The following WWC1 variants were observed in gnomAD, a reference collection of about 807,000 sequenced individuals.
WWC1 encodes the protein WW and C2 domain containing 1.
A neutral mutation model predicts 138.4 loss-of-function variants in WWC1; 55 were observed. The ratio of observed to expected loss-of-function variants is 0.40; its 90% CI spans 0.32 to 0.50. The LOEUF (loss-of-function observed/expected upper bound fraction) is 0.50, where lower values mean the gene tolerates loss of function less well. Among genes scored for constraint, WWC1 ranks in the 20% least tolerant of loss-of-function variants. The probability of loss-of-function intolerance (pLI) is 0.72; values close to 1 mark genes in which losing one functional copy is unlikely to be tolerated. For missense variants in WWC1, 1,226 were observed against 1,420.4 expected (o/e 0.86, Z 2.20); for synonymous variants, 524 against 564.9 (o/e 0.93, Z 1.03).
chr5:168,403,894 A>ACACACACG (rs1176078247), intron 5 of WWC1, among the ~76,000 whole-genome samples: 18 of 150,696 alleles, frequency 1.2e-4, no homozygotes, highest in Non-Finnish European at 2.7e-4. Flanking sequence ...ACACACACAC[A>ACACACACG]CACACACACA....
chr5:168,435,862 T>A (rs967999377), intron 15 of WWC1, among the ~76,000 whole-genome samples: 1 of 151,752 alleles, frequency 6.6e-6, no homozygotes, highest in Non-Finnish European at 1.5e-5. Context: ...TTTTTTTTTA[T>A]TTTTGAGACA....
intron 17 of WWC1, among the ~76,000 whole-genome samples, chr5:168,447,146 T>A (rs998462423): frequency 6.6e-6 from 1 of 152,264 alleles, no homozygotes; most frequent in African/African-American, 2.4e-5. Flanking sequence ...ACAGCCACTA[T>A]GTCATGGGGT....
intron 1 of WWC1, among the ~76,000 whole-genome samples, chr5:168,364,592 G>T (rs775012797): frequency 2.0e-5 from 3 of 152,206 alleles, no homozygotes; most frequent in Non-Finnish European, 2.9e-5. Context: ...CTGAGCCCTC[G>T]TAGTGCCTAG....
chr5:168,344,817 A>T (rs1774339397), intron 1 of WWC1, among the ~76,000 whole-genome samples: 1 of 152,210 alleles, frequency 6.6e-6, no homozygotes, highest in Non-Finnish European at 1.5e-5. Context: ...TGGGGGGAAA[A>T]GATTTGATCA....
chr5:168,338,117 T>C (rs1343179174), intron 1 of WWC1, among the ~76,000 whole-genome samples: 2 of 151,740 alleles, frequency 1.3e-5, no homozygotes, highest in Non-Finnish European at 2.9e-5. Flanking sequence ...TCGAGACCGG[T>C]CTGGCCAACG....
intron 10 of WWC1, among the ~76,000 whole-genome samples, chr5:168,422,630 A>G (rs1781183564): frequency 6.6e-6 from 1 of 152,036 alleles, no homozygotes; most frequent in Admixed American, 6.6e-5. Flanking sequence ...AGAAAAAAAA[A>G]GCCTTAGGAA....
chr5:168,364,125 T>C (rs549192047), intron 1 of WWC1, among the ~76,000 whole-genome samples: 1 of 150,848 alleles, frequency 6.6e-6, no homozygotes, highest in Non-Finnish European at 1.5e-5. Flanking sequence ...CTTATGAGAG[T>C]GGGCCTTCCT....
chr5:168,328,963 A>G (rs937139451), intron 1 of WWC1, among the ~76,000 whole-genome samples: 1 of 152,094 alleles, frequency 6.6e-6, no homozygotes, highest in Admixed American at 6.5e-5. Context: ...TCTGGGCTCC[A>G]CCCCTCATCC....
At chr5:168,414,625 C>T in intron 9 of WWC1, 35 bp downstream of exon 9, 1 of 1,523,104 alleles carries the variant, frequency 6.6e-7, no homozygotes, top group Non-Finnish European at 8.8e-7. Flanking sequence ...TAGGACCCTT[C>T]TCTCACTGGC....
intron 9 of WWC1, among the ~76,000 whole-genome samples, chr5:168,420,254 C>G (rs554319461): frequency 3.5e-4 from 54 of 152,244 alleles, no homozygotes; most frequent in Non-Finnish European, 5.9e-4. Context: ...AGTCCAAGAT[C>G]AGATGTCAGT....
At chr5:168,366,356 C>T (rs1287341478) in intron 1 of WWC1, among the ~76,000 whole-genome samples, 2 of 152,254 alleles carry the variant, frequency 1.3e-5, no homozygotes, top group African/African-American at 4.8e-5. Flanking sequence ...CTTCCATAGG[C>T]ACTTCCTTGT....
intron 1 of WWC1, among the ~76,000 whole-genome samples, chr5:168,320,410 C>G (rs1162572168): frequency 1.3e-5 from 2 of 152,132 alleles, no homozygotes; most frequent in African/African-American, 4.8e-5. Context: ...ATTCAAGGAA[C>G]TGATCTTAGA....
chr5:168,464,082 A>C (rs1757039793), intron 20 of WWC1, among the ~76,000 whole-genome samples: 1 of 152,152 alleles, frequency 6.6e-6, no homozygotes, highest in Non-Finnish European at 1.5e-5. Flanking sequence ...CCTATCCCTG[A>C]TGCCCCACAC....
At chr5:168,399,231 G>GT (rs1779134080) in intron 4 of WWC1, among the ~76,000 whole-genome samples, 2 of 128,672 alleles carry the variant, frequency 1.6e-5, no homozygotes, top group African/African-American at 6.0e-5. Context: ...CTGTCCACCT[G>GT]TTTCCCTGGA....
intron 9 of WWC1, chr5:168,414,922 C>A: frequency 3.6e-6 from 1 of 278,358 alleles, no homozygotes. Flanking sequence ...GACAGTGATG[C>A]ACATTTTATA....
intron 1 of WWC1, among the ~76,000 whole-genome samples, chr5:168,308,117 G>C (rs190134595): frequency 6.6e-6 from 1 of 152,254 alleles, no homozygotes; most frequent in Non-Finnish European, 1.5e-5. Flanking sequence ...AAGTCAAGTG[G>C]GTCTTCAGTC....
chr5:168,391,448 C>T (rs1482128304), intron 3 of WWC1, among the ~76,000 whole-genome samples: 1 of 152,040 alleles, frequency 6.6e-6, no homozygotes, highest in Non-Finnish European at 1.5e-5. Flanking sequence ...ATCACGAGGT[C>T]AGGAGATCGA....
chr5:168,335,680 C>G (rs1773395793), intron 1 of WWC1, among the ~76,000 whole-genome samples: 1 of 152,178 alleles, frequency 6.6e-6, no homozygotes. Context: ...CTAGTGGCTC[C>G]CAAGCCTCTG....
intron 10 of WWC1, 50 bp from the exon 11 acceptor site, chr5:168,423,483 G>A (rs749768073): frequency 1.2e-5 from 18 of 1,553,964 alleles, no homozygotes; most frequent in Non-Finnish European, 1.6e-5. Context: ...GTCTCAGGGG[G>A]CCCACTTCAC....
Sources: allele counts gnomAD v4.1 joint callset (sites outside exome capture counted in the v4.1 genomes callset), GRCh38; gene constraint gnomAD v4.1.1; transcripts MANE v1.5; gene names NCBI Gene and HGNC (gene_info 2026-07-23, HGNC 2026-07-21).